The following KCND2 variants were observed in gnomAD, a reference collection of about 807,000 sequenced individuals.
KCND2 encodes A-type voltage-gated potassium channel KCND2.
A neutral mutation model predicts 54.4 loss-of-function variants in KCND2; 16 were observed. The ratio of observed to expected loss-of-function variants is 0.29; its 90% CI spans 0.20 to 0.45. The LOEUF (loss-of-function observed/expected upper bound fraction) is 0.45. Among genes scored for constraint, KCND2 ranks in the 20% least tolerant of loss-of-function variants. The probability of loss-of-function intolerance (pLI) is 1.00; values close to 1 mark genes in which losing one functional copy is unlikely to be tolerated. For synonymous variants in KCND2, 317 were observed against 310.7 expected, an observed-to-expected ratio of 1.02 and a Z score of -0.21; for missense variants, 486 against 824.2, an observed-to-expected ratio of 0.59 and a Z score of 5.02.
chr7:120,353,193 T>C (rs1192972338), intron 1 of KCND2, among the ~76,000 whole-genome samples: 2 of 144,280 alleles, frequency 1.4e-5, no homozygotes, highest in African/African-American at 5.1e-5. Flanking sequence ...AGTAATTTGC[T>C]AAGGTTACTC....
At chr7:120,545,596 CT>C (rs1204531694) in intron 1 of KCND2, among the ~76,000 whole-genome samples, 8 of 151,700 alleles carry the variant, frequency 5.3e-5, no homozygotes, top group African/African-American at 1.7e-4. Flanking sequence ...ATAAATAAAA[CT>C]TTTTTCATAT....
chr7:120,348,580 A>C (rs118060851), intron 1 of KCND2, among the ~76,000 whole-genome samples: 1 of 152,286 alleles, frequency 6.6e-6, no homozygotes, highest in East Asian at 1.9e-4. Context: ...CTCTGATACA[A>C]ATAGGGATTC....
chr7:120,307,328 T>C (rs1799662465), intron 1 of KCND2, among the ~76,000 whole-genome samples: 1 of 152,018 alleles, frequency 6.6e-6, no homozygotes, highest in African/African-American at 2.4e-5. Flanking sequence ...TTTTAGAAAA[T>C]AGCAAATGAG....
chr7:120,396,895 TTTACTGTC>T (rs1362192623), intron 1 of KCND2, among the ~76,000 whole-genome samples: 2 of 152,076 alleles, frequency 1.3e-5, no homozygotes, highest in Non-Finnish European at 2.9e-5. Context: ...GCTAAATGAC[TTTACTGTC>T]TTATTTTATC....
At chr7:120,641,754 C>CTTTT (rs5886998) in intron 1 of KCND2, among the ~76,000 whole-genome samples, 3,711 of 129,818 alleles carry the variant, frequency 0.029, 154 homozygotes, top group African/African-American at 0.079. Context: ...CAAGCATATT[C>CTTTT]TTTTTTTTTT....
chr7:120,330,331 G>C (rs1800046917), intron 1 of KCND2, among the ~76,000 whole-genome samples: 1 of 151,978 alleles, frequency 6.6e-6, no homozygotes, highest in African/African-American at 2.4e-5. Flanking sequence ...TGTAATCCCA[G>C]CACTTTGGGA....
chr7:120,365,210 G>A lies in KCND2; in HGVS notation c.1115+89463G>A, dbSNP rs181198791. ...GGAAGGAAGGGAGGAAAGAAGGAAGGAAGGGAGGGAGGGAGGGAGGGAGGC... is the reference window on the plus strand; with the variant it reads ...GGAAGGAAGGGAGGAAAGAAGGAAGAAAGGGAGGGAGGGAGGGAGGGAGGC... On this transcript the variant is annotated intron_variant, in intron 1 of 5. Coordinates refer to ENST00000331113, the MANE Select transcript of KCND2 (RefSeq NM_012281.3). 9.3e-3 allele frequency among the ~76,000 whole-genome samples: 1,208 copies of A among 129,610 alleles called. 10 individuals carry two copies. Among genetic ancestry groups the A allele is most frequent in the African/African-American group, 0.033 (1,137 of 34,638 alleles). The allele number at this position is 129,610 out of a possible 152,430, so 85.0% of individuals were successfully genotyped here. A position where few individuals can be genotyped will look rare whatever the true frequency, so the allele number is the denominator to read the frequency against.
chr7:120,649,664 C>T (rs1160964431), intron 1 of KCND2, among the ~76,000 whole-genome samples: 5 of 151,828 alleles, frequency 3.3e-5, no homozygotes, highest in Non-Finnish European at 4.4e-5. Context: ...TGGATATTAG[C>T]CCTTTGTCAA....
At chr7:120,640,193 G>T (rs1475517934) in intron 1 of KCND2, among the ~76,000 whole-genome samples, 1 of 151,986 alleles carries the variant, frequency 6.6e-6, no homozygotes, top group Admixed American at 6.6e-5. Flanking sequence ...CTTTTTAGAT[G>T]ATATATATAA....
At chr7:120,703,731 G>A (rs1281163745) in intron 1 of KCND2, among the ~76,000 whole-genome samples, 2 of 152,156 alleles carry the variant, frequency 1.3e-5, no homozygotes, top group Non-Finnish European at 2.9e-5. Flanking sequence ...ATACATTGCA[G>A]GTGACACTGG....
intron 1 of KCND2, among the ~76,000 whole-genome samples, chr7:120,569,160 A>G (rs1341592214): frequency 6.6e-6 from 1 of 152,140 alleles, no homozygotes; most frequent in Admixed American, 6.6e-5. Flanking sequence ...CCTTCTACAT[A>G]AAGATATTTC....
At chr7:120,517,355 A>G (rs1297162380) in intron 1 of KCND2, among the ~76,000 whole-genome samples, 3 of 152,112 alleles carry the variant, frequency 2.0e-5, no homozygotes, top group Non-Finnish European at 2.9e-5. Context: ...CTTATATTCT[A>G]TGACTATTTC....
chr7:120,581,562 CCTGT>C (rs1199908548), intron 1 of KCND2, among the ~76,000 whole-genome samples: 2 of 152,138 alleles, frequency 1.3e-5, no homozygotes, highest in Non-Finnish European at 2.9e-5. Context: ...CAGTCTAGTG[CCTGT>C]CTGTTTGGAG....
At chr7:120,614,565 A>T (rs150766934) in intron 1 of KCND2, among the ~76,000 whole-genome samples, 4 of 152,244 alleles carry the variant, frequency 2.6e-5, no homozygotes, top group Non-Finnish European at 5.9e-5. Context: ...CTCCTCTTAC[A>T]CACATATTCC....
At chr7:120,655,649 G>A (rs1446601259) in intron 1 of KCND2, among the ~76,000 whole-genome samples, 1 of 151,958 alleles carries the variant, frequency 6.6e-6, no homozygotes, top group Non-Finnish European at 1.5e-5. Flanking sequence ...CATAAACCAA[G>A]TCAAATTTTA....
chr7:120,306,345 A>G (rs1799651315), intron 1 of KCND2, among the ~76,000 whole-genome samples: 1 of 152,042 alleles, frequency 6.6e-6, no homozygotes, highest in Non-Finnish European at 1.5e-5. Flanking sequence ...TAAAACTGAT[A>G]TTTTTGAACA....
intron 1 of KCND2, among the ~76,000 whole-genome samples, chr7:120,339,008 G>A (rs889546177): frequency 2.0e-4 from 30 of 151,928 alleles, no homozygotes; most frequent in African/African-American, 6.8e-4. Flanking sequence ...AGCCTCCTGA[G>A]TAGCTGGGAC....
At chr7:120,551,097 A>G (rs1034929051) in intron 1 of KCND2, among the ~76,000 whole-genome samples, 3 of 152,222 alleles carry the variant, frequency 2.0e-5, no homozygotes, top group African/African-American at 7.2e-5. Flanking sequence ...AATTTTAAAT[A>G]AATGCGCAGA....
At chr7:120,592,082 G>A (rs946214980) in intron 1 of KCND2, among the ~76,000 whole-genome samples, 6 of 152,264 alleles carry the variant, frequency 3.9e-5, no homozygotes, top group Admixed American at 2.0e-4. Flanking sequence ...GTTTAATGGC[G>A]GTGGATGTAG....
Sources: gnomAD v4.1 joint callset for allele counts (sites outside exome capture counted in the v4.1 genomes callset) on GRCh38, gnomAD v4.1.1 for gene constraint, MANE v1.5 for transcripts, NCBI Gene and HGNC (gene_info 2026-07-23, HGNC 2026-07-21) for gene names.